ADGRB3: variants seen among roughly 807,000 people sequenced by gnomAD.
ADGRB3 encodes adhesion G protein-coupled receptor B3.
ADGRB3 carries 37 observed loss-of-function variants against 193.4 expected under a neutral mutation model. That is an observed-to-expected ratio of 0.19 (90% CI 0.15 to 0.25). ADGRB3 has a LOEUF of 0.25. Ranked by LOEUF, ADGRB3 falls within the 10% of genes least tolerant of loss-of-function variation. ADGRB3 has a pLI of 1.00. For missense variants in ADGRB3, 1,637 were observed against 1,852.9 expected, an observed-to-expected ratio of 0.88 and a Z score of 2.14; for synonymous variants, 690 against 644.2, an observed-to-expected ratio of 1.07 and a Z score of -1.08.
intron 20 of ADGRB3, among the ~76,000 whole-genome samples, chr6:69,240,740 T>C (rs1332027085): frequency 2.0e-5 from 3 of 151,994 alleles, no homozygotes; most frequent in African/African-American, 7.2e-5. Flanking sequence ...AATTATTAAA[T>C]TACTCATGTC....
At chr6:69,088,639 G>C (rs1772619278) in intron 17 of ADGRB3, among the ~76,000 whole-genome samples, 1 of 152,346 alleles carries the variant, frequency 6.6e-6, no homozygotes, top group Admixed American at 6.5e-5. Flanking sequence ...CTCCCAAAAT[G>C]CTGGGATGAC....
At chr6:69,037,795 T>C (rs1029540496) in intron 13 of ADGRB3, among the ~76,000 whole-genome samples, 1 of 152,166 alleles carries the variant, frequency 6.6e-6, no homozygotes, top group Non-Finnish European at 1.5e-5. Flanking sequence ...AATATCTTCA[T>C]AGCTTCCCAC....
In ADGRB3 at chr6:68,975,271, A is replaced by C. The variant is rs745848995; in HGVS notation, c.1665A>C (p.Gly555=). ...GACGCTGCTCTCTCAGTCTTCATGGAGTGGCCTTCTGGGAACAGCCGAGCT... is the reference window on the plus strand; with the variant it reads ...GACGCTGCTCTCTCAGTCTTCATGGCGTGGCCTTCTGGGAACAGCCGAGCT... The part of the protein sequence containing the change: ...TSRRCSLSLH[G]VAFWEQPSFA... Residue 555 remains glycine, a synonymous_variant, in exon 10 of 32, where the codon GGA becomes GGC. Coordinates refer to ENST00000370598, the MANE Select transcript of ADGRB3 (RefSeq NM_001704.3). The C allele has an allele frequency of 3.1e-6, 5 of 1,613,996 alleles. No individual in the cohort carries two copies. Among genetic ancestry groups the C allele is most frequent in the Non-Finnish European group, 3.4e-6 (4 of 1,179,934 alleles).
intron 13 of ADGRB3, among the ~76,000 whole-genome samples, chr6:69,031,552 T>TCC (rs1554248810): frequency 8.2e-5 from 6 of 73,596 alleles, no homozygotes; most frequent in Non-Finnish European, 1.4e-4. Context: ...TTTCTTTCTT[T>TCC]TTCTTTCTTT....
At chr6:69,258,084 A>G (rs992363654) in intron 20 of ADGRB3, among the ~76,000 whole-genome samples, 21 of 152,250 alleles carry the variant, frequency 1.4e-4, no homozygotes, top group Admixed American at 1.0e-3. Flanking sequence ...CTCTGCAGCT[A>G]GCGATATAAA....
chr6:68,889,997 TA>T (rs1250476818), intron 3 of ADGRB3, among the ~76,000 whole-genome samples: 5 of 152,346 alleles, frequency 3.3e-5, no homozygotes, highest in Non-Finnish European at 7.4e-5. Flanking sequence ...GGCCAACAAT[TA>T]ATTTTGAATT....
intron 8 of ADGRB3, among the ~76,000 whole-genome samples, chr6:68,963,252 C>T (rs1768284064): frequency 1.3e-5 from 2 of 152,120 alleles, no homozygotes; most frequent in Non-Finnish European, 2.9e-5. Flanking sequence ...ATAATATGTG[C>T]TGCAGAAGAT....
chr6:69,382,782 A>G, intron 30 of ADGRB3, 49 bp from the exon 31 acceptor site: 1 of 1,357,014 alleles, frequency 7.4e-7, no homozygotes, highest in East Asian at 2.5e-5. Flanking sequence ...TCTTGTTTGA[A>G]AAACATACAT....
chr6:69,371,342 C>CT (rs1158117531), intron 29 of ADGRB3, among the ~76,000 whole-genome samples: 6 of 151,980 alleles, frequency 3.9e-5, no homozygotes, highest in Non-Finnish European at 8.8e-5. Flanking sequence ...TCTGTCTCTC[C>CT]TAATGTTCAA....
intron 17 of ADGRB3, among the ~76,000 whole-genome samples, chr6:69,107,533 A>G (rs1773248434): frequency 1.3e-5 from 2 of 152,244 alleles, no homozygotes; most frequent in Admixed American, 1.3e-4. Context: ...GTGAATTACT[A>G]GCAGTTACAA....
At chr6:68,869,674 G>A (rs1765402889) in intron 3 of ADGRB3, among the ~76,000 whole-genome samples, 1 of 150,962 alleles carries the variant, frequency 6.6e-6, no homozygotes, top group African/African-American at 2.4e-5. Context: ...TCTCACATAT[G>A]AAAAATTAAA....
intron 17 of ADGRB3, among the ~76,000 whole-genome samples, chr6:69,204,066 T>G (rs1451305833): frequency 6.6e-6 from 1 of 152,086 alleles, no homozygotes; most frequent in Non-Finnish European, 1.5e-5. Flanking sequence ...AACTGGTATT[T>G]ACCAACTGAC....
rs369265296 is a variant in ADGRB3, at chr6:69,050,266, G to T, written c.2333+920G>T. ...CAAGGAAGCAGCAGTGATTAGGCTTGAATCTTTAGAGAAAATCTTTCTACG... is the reference window on the plus strand; with the variant it reads ...CAAGGAAGCAGCAGTGATTAGGCTTTAATCTTTAGAGAAAATCTTTCTACG... On this transcript the variant is annotated intron_variant, in intron 15 of 31. Transcript: ENST00000370598. Among the ~76,000 whole-genome samples the T allele has an allele frequency of 6.2e-4, 95 of 152,242 alleles. 1 individual carries two copies. Among genetic ancestry groups the T allele is most frequent in the South Asian group, 6.2e-3 (30 of 4,824 alleles).
intron 5 of ADGRB3, among the ~76,000 whole-genome samples, chr6:68,942,045 C>G (rs1767657674): frequency 6.6e-6 from 1 of 150,702 alleles, no homozygotes; most frequent in Non-Finnish European, 1.5e-5. Context: ...TATTTTAAAA[C>G]TATATTTCCC....
At chr6:69,277,948 T>A (rs546447050) in intron 20 of ADGRB3, among the ~76,000 whole-genome samples, 1 of 152,344 alleles carries the variant, frequency 6.6e-6, no homozygotes, top group South Asian at 2.1e-4. Flanking sequence ...ATATTAACTA[T>A]TATTATTGTT....
At chr6:69,316,388 G>GT (rs1437406928) in intron 20 of ADGRB3, among the ~76,000 whole-genome samples, 3 of 151,366 alleles carry the variant, frequency 2.0e-5, no homozygotes, top group Non-Finnish European at 4.4e-5. Context: ...AAGGAAAAAT[G>GT]TATTTCTTAA....
intron 17 of ADGRB3, among the ~76,000 whole-genome samples, chr6:69,207,985 G>A (rs1166480403): frequency 2.0e-5 from 3 of 152,164 alleles, no homozygotes; most frequent in Non-Finnish European, 4.4e-5. Context: ...CCAGGTAGTT[G>A]GCTGATCACC....
chr6:69,364,259 G>T (rs1769520916), intron 29 of ADGRB3, among the ~76,000 whole-genome samples: 1 of 152,028 alleles, frequency 6.6e-6, no homozygotes, highest in Non-Finnish European at 1.5e-5. Flanking sequence ...ACTGCCAGTT[G>T]TAGAATAGAA....
intron 19 of ADGRB3, among the ~76,000 whole-genome samples, chr6:69,236,114 C>A (rs1220020366): frequency 6.6e-6 from 1 of 151,830 alleles, no homozygotes; most frequent in Admixed American, 6.6e-5. Flanking sequence ...AAATGAATTA[C>A]AATTTTATTT....
Sources: allele counts gnomAD v4.1 joint callset (sites outside exome capture counted in the v4.1 genomes callset), GRCh38; gene constraint gnomAD v4.1.1; transcripts MANE v1.5; gene names NCBI Gene and HGNC (gene_info 2026-07-23, HGNC 2026-07-21).